The following XPO6 variants were observed in gnomAD, a reference collection of about 807,000 sequenced individuals.
The protein encoded by XPO6 is exportin-6.
Under a neutral mutation model 130.0 loss-of-function variants are expected in XPO6, and 3 were observed. That is an observed-to-expected ratio of 0.02 (90% CI 0.01 to 0.06). The LOEUF is 0.06. Ranked by LOEUF, XPO6 falls within the 10% of genes least tolerant of loss-of-function variation. The probability of loss-of-function intolerance (pLI) is 1.00; values close to 1 mark genes in which losing one functional copy is unlikely to be tolerated. For missense variants in XPO6, 970 were observed against 1,393.0 expected (o/e 0.70, Z 4.83); for synonymous variants, 524 against 548.9 (o/e 0.95, Z 0.63).
chr16:28,099,229 T>C (rs536180117), intron 23 of XPO6, among the ~76,000 whole-genome samples: 2 of 152,194 alleles, frequency 1.3e-5, no homozygotes, highest in African/African-American at 4.8e-5. Flanking sequence ...GCGTGGGCCA[T>C]GGAAGGCCCT....
At position 28,112,917 on chromosome 16, in the gene XPO6, C is replaced by A; in HGVS notation, c.2138G>T (p.Arg713Leu). The change falls in exon 16 of 24, where the codon CGA (arginine) becomes CTA (leucine). Residue 713 changes from arginine to leucine, a missense_variant. Arg to Leu is a moderately radical substitution (Grantham distance 102). Transcript: ENST00000304658. ...CTGGGGCCTCACCTTATCGACAAGTCGCAGGGCAGAGGCATCAGTGATTCT... is the reference window on the plus strand; with the variant it reads ...CTGGGGCCTCACCTTATCGACAAGTAGCAGGGCAGAGGCATCAGTGATTCT... ...FNRITDASALRLVDKAQVLVC... is the reference protein window; with the variant it reads ...FNRITDASALLLVDKAQVLVC... 1 of 1,613,582 alleles carries A rather than the reference C, an allele frequency of 6.2e-7. No homozygotes were observed. The highest frequency in any genetic ancestry group is 8.5e-7 in the Non-Finnish European group (1 of 1,179,720).
At chr16:28,111,657 A>G in intron 17 of XPO6, 160 bp downstream of exon 17, 1 of 657,350 alleles carries the variant, frequency 1.5e-6, no homozygotes, top group Non-Finnish European at 2.5e-6. Flanking sequence ...TTCCAAAGGT[A>G]GCAGGATCCC....
chr16:28,157,848 T>A (rs1444017907), intron 6 of XPO6, among the ~76,000 whole-genome samples: 1 of 152,236 alleles, frequency 6.6e-6, no homozygotes, highest in Admixed American at 6.5e-5. Flanking sequence ...GACCTGGCAC[T>A]CTGGAGTCCT....
rs967577075 is a variant in XPO6, at chr16:28,155,779, C to T, written c.1097+295G>A. 1.3e-5 allele frequency: 6 copies of T among 465,278 alleles called. No homozygotes were observed. The South Asian group carries it at 2.0e-4, about 15-fold the overall frequency. The allele number at this position is 465,278 out of a possible 1,614,324, so 28.8% of individuals were successfully genotyped here. A position where few individuals can be genotyped will look rare whatever the true frequency, so the allele number is the denominator to read the frequency against. ...CCCTGCACCACCTCAGACCTGCAAG[C>T]AAATAGTAAGGAAAAGGGGGCAAGA... On this transcript the variant is annotated intron_variant, in intron 7 of 23. Transcript: ENST00000304658.
At chr16:28,160,440 G>A (rs752041543) in intron 6 of XPO6, among the ~76,000 whole-genome samples, 7 of 142,150 alleles carry the variant, frequency 4.9e-5, no homozygotes, top group Admixed American at 7.5e-5. Flanking sequence ...GGAGGCGGAC[G>A]CTGCAGTGAG....
At chr16:28,154,876 C>G (rs753762943) in intron 7 of XPO6, among the ~76,000 whole-genome samples, 1 of 151,956 alleles carries the variant, frequency 6.6e-6, no homozygotes, top group Admixed American at 6.6e-5. Context: ...AAAGGTAATA[C>G]AGCCTTTCTT....
chr16:28,107,567 C>G lies in XPO6; in HGVS notation c.2452G>C (p.Val818Leu), dbSNP rs1283289725. The change falls in exon 18 of 24, where the codon GTT (valine) becomes CTT (leucine). Residue 818 changes from valine (V) to leucine (L), a missense_variant. By Grantham distance (32) the Val-to-Leu change is conservative (BLOSUM62 1). This residue lies in a region of XPO6 where 936 missense variants were observed against 1,306.8 expected (regional missense o/e 0.72). Transcript: ENST00000304658. The stretch of plus-strand genomic sequence containing the variant: ...GGAAAGAGGGCCAGGGAGACCTGAA[C>G]AGATTCCTGCAGCGACTGGTAGCAA... ...QICYQSLQES[V>L]QVSLALFPAF... The G allele has an allele frequency of 1.2e-6, 2 of 1,614,220 alleles. No individual in the cohort carries two copies. The highest frequency in any genetic ancestry group is 1.3e-5 in the African/African-American group (1 of 75,062).
chr16:28,115,352 T>A lies in XPO6; in HGVS notation c.2004+1966A>T, dbSNP rs568100210. 9.2e-5 allele frequency among the ~76,000 whole-genome samples: 14 copies of A among 152,342 alleles called. No individual in the cohort carries two copies. In the South Asian group the frequency reaches 2.7e-3, roughly 29 times the overall value. ...ACCCATGGGCTACAGAACTACAGAA[T>A]GGATGTTGTGTGAGCAGCCATGGAA... On this transcript the variant is annotated intron_variant, in intron 15 of 23. Coordinates refer to ENST00000304658, the MANE Select transcript of XPO6 (RefSeq NM_015171.4).
At chr16:28,107,156 C>A (rs1346531357) in intron 18 of XPO6, among the ~76,000 whole-genome samples, 2 of 152,186 alleles carry the variant, frequency 1.3e-5, no homozygotes, top group Non-Finnish European at 2.9e-5. Context: ...GTCATGAGAG[C>A]TAGGCAAGTA....
chr16:28,099,962 A>G (rs1393989605), intron 23 of XPO6, among the ~76,000 whole-genome samples: 2 of 152,176 alleles, frequency 1.3e-5, no homozygotes, highest in African/African-American at 4.8e-5. Context: ...TCCATTTTTA[A>G]TAAGTACCCC....
rs1214419570 is a variant in XPO6, at chr16:28,132,594, T to C, written c.1537-191A>G. On this transcript the variant is annotated intron_variant, in intron 11 of 23. Transcript: ENST00000304658. This position sits in a 1 kb window ranked among gnomAD's most constrained non-coding sequence, Gnocchi z 4.0. ...AGTGCCCCCCAACTAGTTTCTATAA[T>C]TGAAACCGCCAATTAATACACAGAA... 1.3e-5 allele frequency among the ~76,000 whole-genome samples: 2 copies of C among 150,516 alleles called. No individual in the cohort carries two copies. Among genetic ancestry groups the C allele is most frequent in the Admixed American group, 6.6e-5 (1 of 15,098 alleles).
chr16:28,186,704 T>C (rs2043701882), intron 1 of XPO6, among the ~76,000 whole-genome samples: 1 of 147,608 alleles, frequency 6.8e-6, no homozygotes, highest in Non-Finnish European at 1.5e-5. Flanking sequence ...AGAGTGTTGC[T>C]GTATCACCCC....
intron 2 of XPO6, among the ~76,000 whole-genome samples, chr16:28,180,675 T>C (rs566489014): frequency 6.7e-6 from 1 of 150,068 alleles, no homozygotes; most frequent in East Asian, 2.0e-4. Context: ...CACCCCACCC[T>C]AGACGCCCCC....
chr16:28,197,452 A>C (rs2043882960), intron 1 of XPO6, among the ~76,000 whole-genome samples: 1 of 152,332 alleles, frequency 6.6e-6, no homozygotes, highest in South Asian at 2.1e-4. Flanking sequence ...CTACATAGAC[A>C]CACAGAAAAA....
At chr16:28,143,925 G>A (rs1054315296) in intron 9 of XPO6, among the ~76,000 whole-genome samples, 10 of 152,112 alleles carry the variant, frequency 6.6e-5, no homozygotes, top group African/African-American at 2.2e-4. Context: ...AGGAGCCACC[G>A]CACTCGGCCT....
Position 28,156,177 on chromosome 16 carries a change from A to G in XPO6, c.994T>C (p.Tyr332His). 6.2e-7 allele frequency: 1 copy of G among 1,613,862 alleles called. No homozygotes were observed. The highest frequency in any genetic ancestry group is 1.3e-5 in the African/African-American group (1 of 74,902). ...GTCTGCTGGAACATACGCAGTAAAT[A>G]CTCCTCAAATTCCATAGGCACACAG... Reference protein sequence around the residue: ...KNCVPMEFEEYLLRMFQQTFY... With the variant: ...KNCVPMEFEEHLLRMFQQTFY... Residue 332 changes from tyrosine to histidine, a missense_variant, in exon 7 of 24, where the codon TAT becomes CAT. Physicochemically the swap from Tyr to His is moderately conservative, Grantham distance 83. This residue lies in a region of XPO6 where 936 missense variants were observed against 1,306.8 expected (regional missense o/e 0.72). Transcript: ENST00000304658.
At chr16:28,167,171 G>A (rs1483877057) in intron 5 of XPO6, 3 of 985,192 alleles carry the variant, frequency 3.0e-6, no homozygotes, top group East Asian at 1.1e-4. Flanking sequence ...AACTCACCTT[G>A]ACTATATACA....
chr16:28,125,546 T>C, intron 13 of XPO6, 143 bp downstream of exon 13: 2 of 991,164 alleles, frequency 2.0e-6, no homozygotes, highest in Middle Eastern at 3.3e-4. Flanking sequence ...AAGTAATTTG[T>C]TCCCTATCAG....
intron 12 of XPO6, among the ~76,000 whole-genome samples, chr16:28,127,420 A>G (rs554194934): frequency 3.3e-5 from 5 of 152,294 alleles, no homozygotes; most frequent in African/African-American, 9.6e-5. Flanking sequence ...CCTCGTGGTG[A>G]GCAGCTATGT....
Sources: gnomAD v4.1 joint callset for allele counts (sites outside exome capture counted in the v4.1 genomes callset) on GRCh38, gnomAD v4.1.1 for gene constraint, gnomAD v4.1.1 regional missense constraint, Gnocchi (gnomAD v3.1) non-coding constraint, MANE v1.5 for transcripts, NCBI Gene and HGNC (gene_info 2026-07-23, HGNC 2026-07-21) for gene names.